The following ENTPD3 variants were observed in gnomAD, a reference collection of about 807,000 sequenced individuals.
ENTPD3 encodes CD39 antigen-like 3.
ENTPD3 carries 60 observed loss-of-function variants against 51.2 expected under a neutral mutation model. The ratio of observed to expected loss-of-function variants is 1.17; its 90% CI spans 0.95 to 1.45. The LOEUF is 1.45. Among genes scored for constraint, ENTPD3 ranks in the 40% most tolerant of loss-of-function variants. ENTPD3 has a pLI of 0.00. For synonymous variants in ENTPD3, 221 were observed against 238.4 expected, an observed-to-expected ratio of 0.93 and a Z score of 0.67; for missense variants, 593 against 641.1, an observed-to-expected ratio of 0.93 and a Z score of 0.81.
At chr3:40,404,118 G>A (rs1234831679) in intron 4 of ENTPD3, among the ~76,000 whole-genome samples, 1 of 152,178 alleles carries the variant, frequency 6.6e-6, no homozygotes, top group African/African-American at 2.4e-5. Context: ...CAGAGACTAT[G>A]TGCTCCAAGG....
chr3:40,396,408 G>A (rs1001200506), intron 3 of ENTPD3, among the ~76,000 whole-genome samples: 3 of 152,038 alleles, frequency 2.0e-5, no homozygotes, highest in South Asian at 2.1e-4. Flanking sequence ...TTTTGCTTTC[G>A]TGTGCAGCTG....
intron 3 of ENTPD3, among the ~76,000 whole-genome samples, chr3:40,393,305 A>G (rs1425685943): frequency 6.6e-6 from 1 of 151,990 alleles, no homozygotes; most frequent in Non-Finnish European, 1.5e-5. Flanking sequence ...TTGTTTTTTG[A>G]CTCATTAAGA....
rs144209534 is a variant in ENTPD3 at position 40,403,024 on chromosome 3, G to C, written c.286+2013G>C. On this transcript the variant is annotated intron_variant, in intron 4 of 10. Transcript: ENST00000301825. ...TATCCTTGAGCCCACAGGACAACAGGTTAGAGACTCCAGACCTGTCCTCCC... is the reference window on the plus strand; with the variant it reads ...TATCCTTGAGCCCACAGGACAACAGCTTAGAGACTCCAGACCTGTCCTCCC... 4.1e-4 allele frequency among the ~76,000 whole-genome samples: 62 copies of C among 152,254 alleles called. 1 individual carries two copies. Among genetic ancestry groups the C allele is most frequent in the Middle Eastern group, 3.4e-3 (1 of 294 alleles).
At position 40,415,832 on chromosome 3, in the gene ENTPD3, C is replaced by A; in HGVS notation, c.598-8C>A. 1 of 1,611,370 alleles carries A rather than the reference C, an allele frequency of 6.2e-7. No individual in the cohort carries two copies. The highest frequency in any genetic ancestry group is 8.5e-7 in the Non-Finnish European group (1 of 1,177,658). On this transcript the variant is annotated splice_polypyrimidine_tract_variant and splice_region_variant and intron_variant, in intron 6 of 10. Coordinates refer to ENST00000301825, the MANE Select transcript of ENTPD3 (RefSeq NM_001248.4). ...CTTTCTTTCTCACTTCCTTTTCCCACTGTGCAGAAGAACCTGTGGCACATG... is the reference window on the plus strand; with the variant it reads ...CTTTCTTTCTCACTTCCTTTTCCCAATGTGCAGAAGAACCTGTGGCACATG...
chr3:40,392,372 G>A, intron 3 of ENTPD3: 1 of 545,128 alleles, frequency 1.8e-6, no homozygotes, highest in Non-Finnish European at 3.2e-6. Flanking sequence ...CCTTCTCCAA[G>A]GACTGTGTAG....
At chr3:40,412,022 T>C in intron 5 of ENTPD3, 60 bp downstream of exon 5, 1 of 1,472,752 alleles carries the variant, frequency 6.8e-7, no homozygotes, top group Non-Finnish European at 9.1e-7. Context: ...ATATGTTGAA[T>C]CTTGCCAAGA....
rs1224164188 is a variant in ENTPD3 at position 40,427,468 on chromosome 3, A to G, written c.1550A>G (p.His517Arg). ...TGTTCAGCAACCAGAAGAAAGAGGCACTCCGAGCATGCCTTTGACCATGCA... is the reference window on the plus strand; with the variant it reads ...TGTTCAGCAACCAGAAGAAAGAGGCGCTCCGAGCATGCCTTTGACCATGCA... ...YLCSATRRKRHSEHAFDHAVD... is the reference protein window; with the variant it reads ...YLCSATRRKRRSEHAFDHAVD... Residue 517 changes from histidine to arginine, a missense_variant, in exon 11 of 11, where the codon CAC (histidine) becomes CGC (arginine). Coordinates refer to ENST00000301825, the MANE Select transcript of ENTPD3 (RefSeq NM_001248.4). 1.2e-6 allele frequency: 2 copies of G among 1,613,262 alleles called. No homozygotes were observed. The highest frequency in any genetic ancestry group is 1.1e-5 in the South Asian group (1 of 91,062).
intron 5 of ENTPD3, among the ~76,000 whole-genome samples, chr3:40,413,531 T>G (rs1180946697): frequency 6.6e-6 from 1 of 152,142 alleles, no homozygotes; most frequent in African/African-American, 2.4e-5. Flanking sequence ...CTTCTAGTAC[T>G]CTAAAAACAA....
chr3:40,424,474 T>C lies in ENTPD3; in HGVS notation c.1353+511T>C, dbSNP rs570001827. On this transcript the variant is annotated intron_variant, in intron 10 of 10. Coordinates refer to ENST00000301825, the MANE Select transcript of ENTPD3 (RefSeq NM_001248.4). Reference sequence around the variant, plus strand: ...TAGCATTAAATAAATATTTTCTCTTTGAATGAACCTGAAGTCATTATATTT... The same window carrying C: ...TAGCATTAAATAAATATTTTCTCTTCGAATGAACCTGAAGTCATTATATTT... Among the ~76,000 whole-genome samples, 3 of 152,304 alleles carry C rather than the reference T, an allele frequency of 2.0e-5. No individual in the cohort carries two copies. In the South Asian group the frequency reaches 6.2e-4, roughly 32 times the overall value.
chr3:40,422,437 A>C (rs1955897575), intron 7 of ENTPD3, among the ~76,000 whole-genome samples: 1 of 150,120 alleles, frequency 6.7e-6, no homozygotes, highest in Non-Finnish European at 1.5e-5. Context: ...TACATGTACC[A>C]TGCTGGTGTG....
intron 7 of ENTPD3, among the ~76,000 whole-genome samples, chr3:40,419,230 G>A (rs1356213626): frequency 6.6e-6 from 1 of 152,040 alleles, no homozygotes; most frequent in Non-Finnish European, 1.5e-5. Context: ...TATTTCTGTA[G>A]GACAGGTTCA....
chr3:40,421,649 G>A (rs748694354), intron 7 of ENTPD3, among the ~76,000 whole-genome samples: 14 of 152,074 alleles, frequency 9.2e-5, no homozygotes, highest in Non-Finnish European at 1.8e-4. Context: ...ATAAAGTATG[G>A]TTTATTTGTA....
intron 2 of ENTPD3, among the ~76,000 whole-genome samples, chr3:40,389,841 T>C (rs963813478): frequency 6.6e-6 from 1 of 152,182 alleles, no homozygotes. Context: ...TCTGGGAAAA[T>C]GGCTTACAGA....
chr3:40,392,327 T>C, intron 3 of ENTPD3, 177 bp downstream of exon 3: 1 of 669,380 alleles, frequency 1.5e-6, no homozygotes, highest in Non-Finnish European at 2.4e-6. Context: ...GGGTTTGTGA[T>C]ATTTGAGGCT....
At position 40,411,940 on chromosome 3, in the gene ENTPD3, A is replaced by T. The variant is rs1410074237; in HGVS notation, c.415A>T (p.Thr139Ser). The T allele has an allele frequency of 6.2e-7, 1 of 1,611,110 alleles. No individual in the cohort carries two copies. Among genetic ancestry groups the T allele is most frequent in the Non-Finnish European group, 8.5e-7 (1 of 1,178,868 alleles). The change falls in exon 5 of 11, where the codon ACG (threonine) becomes TCG (serine). Residue 139 changes from threonine to serine, a missense_variant. Thr to Ser is a moderately conservative substitution (Grantham distance 58). Coordinates refer to ENST00000301825, the MANE Select transcript of ENTPD3 (RefSeq NM_001248.4). Reference protein sequence around the residue: ...HGSTPIHLGATAGMRLLRLQN... With the variant: ...HGSTPIHLGASAGMRLLRLQN... ...ATCCACCCCCATTCACCTGGGAGCC[A>T]CGGCTGGGATGCGCTTGCTGAGGTA...
In ENTPD3 at chr3:40,392,106, G is replaced by A; in HGVS notation, c.124G>A (p.Val42Ile). 1 of 1,614,158 alleles carries A rather than the reference G, an allele frequency of 6.2e-7. No individual in the cohort carries two copies. Among genetic ancestry groups the A allele is most frequent in the Non-Finnish European group, 8.5e-7 (1 of 1,180,014 alleles). The change falls in exon 3 of 11, where the codon GTC becomes ATC. Residue 42 changes from valine (V) to isoleucine (I), a missense_variant. Val to Ile is a conservative substitution (Grantham distance 29, BLOSUM62 3). Transcript: ENST00000301825. ...TATTGTGGTACTTGTGAGTATCACT[G>A]TCATCCAGATCCACAAGCAAGAGGT... ...VSIVVLVSIT[V>I]IQIHKQEVLP...
intron 3 of ENTPD3, among the ~76,000 whole-genome samples, chr3:40,398,957 C>T (rs996876395): frequency 6.6e-6 from 1 of 152,138 alleles, no homozygotes; most frequent in East Asian, 1.9e-4. Flanking sequence ...GGTAGCTCAT[C>T]CCTGTAATAC....
intron 3 of ENTPD3, among the ~76,000 whole-genome samples, chr3:40,395,287 A>G (rs1955171101): frequency 6.6e-6 from 1 of 152,234 alleles, no homozygotes; most frequent in Non-Finnish European, 1.5e-5. Context: ...CTCTGTTCAA[A>G]ATGGAGAGAC....
chr3:40,403,885 G>A (rs1228208982), intron 4 of ENTPD3, among the ~76,000 whole-genome samples: 1 of 152,060 alleles, frequency 6.6e-6, no homozygotes, highest in Admixed American at 6.6e-5. Flanking sequence ...CTGGGCTCAA[G>A]CCATCCTCCT....
Sources: gnomAD v4.1 joint callset for allele counts (sites outside exome capture counted in the v4.1 genomes callset) on GRCh38, gnomAD v4.1.1 for gene constraint, MANE v1.5 for transcripts, NCBI Gene and HGNC (gene_info 2026-07-23, HGNC 2026-07-21) for gene names.